The following RASGRP2 variants were observed in gnomAD, a reference collection of about 807,000 sequenced individuals.
The protein encoded by RASGRP2 is RAS guanyl-releasing protein 2.
Under a neutral mutation model 71.0 loss-of-function variants are expected in RASGRP2, and 44 were observed. The ratio of observed to expected loss-of-function variants is 0.62; its 90% CI spans 0.49 to 0.80. The LOEUF (loss-of-function observed/expected upper bound fraction) is 0.80, where lower values mean the gene tolerates loss of function less well. Ranked by LOEUF, RASGRP2 falls within the 30% of genes least tolerant of loss-of-function variation. RASGRP2 has a pLI of 0.00. For synonymous variants in RASGRP2, 350 were observed against 330.7 expected, an observed-to-expected ratio of 1.06 and a Z score of -0.63; for missense variants, 663 against 813.4, an observed-to-expected ratio of 0.82 and a Z score of 2.25.
Position 64,730,058 on chromosome 11 carries a change from C to A in RASGRP2, c.1549G>T (p.Ala517Ser), listed in dbSNP as rs962281617. 4 of 1,552,098 alleles carry A rather than the reference C, an allele frequency of 2.6e-6. No individual in the cohort carries two copies. The highest frequency in any genetic ancestry group is 3.5e-6 in the Non-Finnish European group (4 of 1,148,406). ...LRPVACRHCK[A>S]LILGIYKQGL... is the part of the protein sequence containing the mutation. The stretch of plus-strand genomic sequence containing the variant: ...GCCGGGAAAGGGACTCTCACCAGGG[C>A]TTTGCAGTGGCGGCAGGCGACGGGG... Residue 517 changes from alanine to serine, a missense_variant, in exon 13 of 17, where the codon GCC (alanine) becomes TCC (serine). Coordinates refer to ENST00000394432, the MANE Select transcript of RASGRP2 (RefSeq NM_001098671.2).
At position 64,742,205 on chromosome 11, in the gene RASGRP2, C is replaced by T. The variant is rs936213391; in HGVS notation, c.74-93G>A. On this transcript the variant is annotated intron_variant, in intron 2 of 16. Transcript: ENST00000394432. The surrounding 1 kb of genome is among the most constrained non-coding windows in gnomAD (Gnocchi z 4.7). ...CGCAACCCGCCAGGTATCGGTCCTT[C>T]GGGTGCACGCTCGACCCCGCCCACC... is the stretch of plus-strand genomic sequence containing the variant. 1 of 985,662 alleles carries T rather than the reference C, an allele frequency of 1.0e-6. No homozygotes were observed. The highest frequency in any genetic ancestry group is 1.6e-5 in the African/African-American group (1 of 62,222). 61.1% of individuals were successfully genotyped at this position (985,662 alleles called of 1,614,324 possible). A position where few individuals can be genotyped will look rare whatever the true frequency, so the allele number is the denominator to read the frequency against.
intron 12 of RASGRP2, among the ~76,000 whole-genome samples, chr11:64,731,495 T>C (rs1206566845): frequency 6.6e-6 from 1 of 152,162 alleles, no homozygotes; most frequent in Non-Finnish European, 1.5e-5. Flanking sequence ...TTTTAAATTT[T>C]ATATGGAAAA....
At chr11:64,732,658 G>A (rs2057799496) in intron 12 of RASGRP2, among the ~76,000 whole-genome samples, 1 of 152,158 alleles carries the variant, frequency 6.6e-6, no homozygotes, top group South Asian at 2.1e-4. Context: ...GTGGGTGCTT[G>A]TAGTCCCAGC....
intron 3 of RASGRP2, 56 bp downstream of exon 3, chr11:64,741,954 A>AG: frequency 6.9e-7 from 1 of 1,442,718 alleles, no homozygotes; most frequent in South Asian, 1.2e-5. Context: ...GGCTGGGCAG[A>AG]GGGGCTGCGC....
chr11:64,745,211 GA>G (rs2058265079), upstream of RASGRP2: 1 of 151,382 alleles, frequency 6.6e-6, no homozygotes, highest in African/African-American at 2.4e-5. Context: ...GCAGGAAGCG[GA>G]CTGCGGTGGG....
Position 64,727,335 on chromosome 11 carries a change from C to G in RASGRP2, c.1797G>C (p.Thr599=). The G allele has an allele frequency of 6.2e-7, 1 of 1,613,922 alleles. No homozygotes were observed. Among genetic ancestry groups the G allele is most frequent in the Non-Finnish European group, 8.5e-7 (1 of 1,179,920 alleles). The change falls in exon 16 of 17, where the codon ACG becomes ACC. Residue 599 remains threonine, a synonymous_variant. Transcript: ENST00000394432. ...PPEIREEEVQ[T]VEDGVFDIHL ...GGATGTCAAACACCCCATCCTCCAC[C>G]GTCTGTACCTCCTCCTCACGGATCT...
Position 64,739,120 on chromosome 11 carries a change from C to CAG in RASGRP2, c.813+238_813+239dup, listed in dbSNP as rs534037142. On this transcript the variant is annotated intron_variant, in intron 8 of 16. Coordinates refer to ENST00000394432, the MANE Select transcript of RASGRP2 (RefSeq NM_001098671.2). This position sits in a 1 kb window ranked among gnomAD's most constrained non-coding sequence, Gnocchi z 4.2. ...CACCACTGAACTCCAGTCTGGACAA[C>CAG]AGAGAGAGAGACCCTGTCTTAAAAA... Among the ~76,000 whole-genome samples, 282 of 148,680 alleles carry CAG rather than the reference C, an allele frequency of 1.9e-3. 2 individuals are homozygous for CAG. The highest frequency in any genetic ancestry group is 6.3e-3 in the African/African-American group (251 of 40,056).
chr11:64,740,653 G>A (rs1179321137), intron 5 of RASGRP2: 3 of 647,258 alleles, frequency 4.6e-6, no homozygotes, highest in Non-Finnish European at 8.5e-6. Flanking sequence ...GGCAGCAAGG[G>A]GGATGATATG....
chr11:64,741,722 G>C (rs2135794114), intron 3 of RASGRP2, among the ~76,000 whole-genome samples: 1 of 152,302 alleles, frequency 6.6e-6, no homozygotes, highest in Non-Finnish European at 1.5e-5. Flanking sequence ...CTCTGGGAGA[G>C]AGAGATGCAC....
chr11:64,744,366 CGGA>C (rs2058239644), upstream of RASGRP2: 1 of 971,074 alleles, frequency 1.0e-6, no homozygotes, highest in African/African-American at 1.8e-5. Flanking sequence ...AGCTCCTGTA[CGGA>C]GTTCTCAGGC....
In RASGRP2 at chr11:64,729,341, G is replaced by GT. The variant is rs1201468113; in HGVS notation, c.1592-300dup. Reference sequence around the variant, plus strand: ...GGGTTTTGGTTTTGGGGGTTTTTTTGTTGTTTTTTTTTTTGAGACAGAGCC... The same window carrying GT: ...GGGTTTTGGTTTTGGGGGTTTTTTTGTTTGTTTTTTTTTTTGAGACAGAGCC... On this transcript the variant is annotated intron_variant, in intron 14 of 16. Transcript: ENST00000394432. Among the ~76,000 whole-genome samples the GT allele has an allele frequency of 5.7e-3, 81 of 14,102 alleles. 1 individual carries two copies. The Middle Eastern group carries it at 0.15, about 26-fold the overall frequency. The allele number at this position is 14,102 out of a possible 152,430, so 9.3% of individuals were successfully genotyped here.
intron 15 of RASGRP2, among the ~76,000 whole-genome samples, chr11:64,727,900 T>C (rs1399592313): frequency 3.3e-5 from 5 of 152,220 alleles, no homozygotes; most frequent in Admixed American, 3.3e-4. Context: ...GCAGTTTGCT[T>C]AAATGTCAAT....
At chr11:64,736,093 A>G in intron 9 of RASGRP2, 113 bp from the exon 10 acceptor site, 1 of 829,068 alleles carries the variant, frequency 1.2e-6, no homozygotes. Flanking sequence ...GTCAGAAGCT[A>G]GACTCAGGAC....
chr11:64,738,278 A>G (rs2058012582), intron 8 of RASGRP2, among the ~76,000 whole-genome samples: 1 of 152,180 alleles, frequency 6.6e-6, no homozygotes. Flanking sequence ...GTGAAGCTAT[A>G]AAGAAAAGCA....
Position 64,739,498 on chromosome 11 carries a change from A to C in RASGRP2, c.697-22T>G. The C allele has an allele frequency of 6.2e-7, 1 of 1,612,064 alleles. No homozygotes were observed. The highest frequency in any genetic ancestry group is 8.5e-7 in the Non-Finnish European group (1 of 1,178,172). The stretch of plus-strand genomic sequence containing the variant: ...GCTTCTGGAAGGCAAATGGGGACGG[A>C]GAGGCAGGGAGTCACTGAGTGGGCC... On this transcript the variant is annotated intron_variant, in intron 7 of 16. Coordinates refer to ENST00000394432, the MANE Select transcript of RASGRP2 (RefSeq NM_001098671.2). This position sits in a 1 kb window ranked among gnomAD's most constrained non-coding sequence, Gnocchi z 4.2.
intron 12 of RASGRP2, among the ~76,000 whole-genome samples, chr11:64,734,377 T>C (rs1013743293): frequency 6.6e-6 from 1 of 151,820 alleles, no homozygotes; most frequent in Non-Finnish European, 1.5e-5. Flanking sequence ...GGGCTCAAAC[T>C]CCTGGCCTGA....
intron 14 of RASGRP2, among the ~76,000 whole-genome samples, chr11:64,729,495 C>A (rs1183468415): frequency 6.6e-6 from 1 of 152,120 alleles, no homozygotes; most frequent in Non-Finnish European, 1.5e-5. Flanking sequence ...TGCCACCACG[C>A]CCAGCTACTT....
rs768465064 is a variant in RASGRP2 at position 64,741,964 on chromosome 11, C to A, written c.176+46G>T. The A allele has an allele frequency of 2.6e-6, 4 of 1,520,620 alleles. No individual in the cohort carries two copies. The African/African-American group carries it at 4.1e-5, about 16-fold the overall frequency. 94.2% of individuals were successfully genotyped at this position (1,520,620 alleles called of 1,614,324 possible). Reference sequence around the variant, plus strand: ...ACCTGGGCTGGGCAGAGGGGCTGCGCATGGGCTCCGACGGCGGGGGCCTTG... The same window carrying A: ...ACCTGGGCTGGGCAGAGGGGCTGCGAATGGGCTCCGACGGCGGGGGCCTTG... On this transcript the variant is annotated intron_variant, in intron 3 of 16. Transcript: ENST00000394432.
At position 64,740,797 on chromosome 11, in the gene RASGRP2, G is replaced by C. The variant is rs1007543445; in HGVS notation, c.371+151C>G. 1.2e-5 allele frequency: 12 copies of C among 988,508 alleles called. No individual in the cohort carries two copies. In the Admixed American group the frequency reaches 1.3e-4, roughly 11 times the overall value. 61.2% of individuals were successfully genotyped at this position (988,508 alleles called of 1,614,324 possible). A position where few individuals can be genotyped will look rare whatever the true frequency, so the allele number is the denominator to read the frequency against. ...GGCAGGAACGCCAAGCTGCCCAGAG[G>C]AGGCATGTTGAAGGCAATAGGGAGC... is the stretch of plus-strand genomic sequence containing the variant. On this transcript the variant is annotated intron_variant, in intron 5 of 16. Coordinates refer to ENST00000394432, the MANE Select transcript of RASGRP2 (RefSeq NM_001098671.2).
Sources: allele counts gnomAD v4.1 joint callset (sites outside exome capture counted in the v4.1 genomes callset), GRCh38; gene constraint gnomAD v4.1.1; non-coding constraint Gnocchi (gnomAD v3.1); transcripts MANE v1.5; gene names NCBI Gene and HGNC (gene_info 2026-07-23, HGNC 2026-07-21).